Variants in ESR1 observed in about 807,000 individuals in gnomAD.
The protein encoded by ESR1 is estrogen receptor.
A neutral mutation model predicts 52.7 loss-of-function variants in ESR1; 12 were observed. That is an observed-to-expected ratio of 0.23 (90% CI 0.15 to 0.37). The LOEUF (loss-of-function observed/expected upper bound fraction) is 0.37, where lower values mean the gene tolerates loss of function less well. ESR1 is among the 10% of genes least tolerant of loss of function. The pLI, the probability that ESR1 is intolerant of heterozygous loss-of-function variation, is 1.00. For synonymous variants in ESR1, 305 were observed against 316.8 expected, an observed-to-expected ratio of 0.96 and a Z score of 0.39; for missense variants, 584 against 779.7, an observed-to-expected ratio of 0.75 and a Z score of 2.99.
intron 4 of ESR1, among the ~76,000 whole-genome samples, chr6:151,964,268 A>AT (rs919432098): frequency 4.6e-5 from 7 of 151,682 alleles, no homozygotes; most frequent in South Asian, 2.1e-4. Flanking sequence ...GATAGCATAG[A>AT]TTTTTTTTAA....
chr6:151,783,280 G>A (rs1485305249), intron 2 of ESR1, among the ~76,000 whole-genome samples: 1 of 152,194 alleles, frequency 6.6e-6, no homozygotes, highest in African/African-American at 2.4e-5. Context: ...CACCAGCCCT[G>A]TGTCTATCTC....
At chr6:151,711,329 C>T (rs1780593676) in intron 2 of ESR1, among the ~76,000 whole-genome samples, 1 of 151,792 alleles carries the variant, frequency 6.6e-6, no homozygotes, top group African/African-American at 2.4e-5. Flanking sequence ...TCATGCCATT[C>T]TCCTGCTTCA....
At chr6:152,103,406 C>T (rs148684905), downstream of ESR1, 33 of 159,522 alleles carry the variant, frequency 2.1e-4, no homozygotes, top group East Asian at 4.9e-3. Flanking sequence ...CACCTCACTC[C>T]CTCTGCCCAA....
intron 2 of ESR1, among the ~76,000 whole-genome samples, chr6:151,771,924 A>G (rs912467304): frequency 1.3e-5 from 2 of 152,188 alleles, no homozygotes; most frequent in African/African-American, 4.8e-5. Context: ...TTGTTGATAC[A>G]CTGCTTGACT....
rs539521701 is a variant in ESR1, at chr6:151,877,489, G to A, written c.644-3166G>A. 5.3e-5 allele frequency among the ~76,000 whole-genome samples: 8 copies of A among 152,258 alleles called. No individual in the cohort carries two copies. In the East Asian group the frequency reaches 9.6e-4, roughly 18 times the overall value. On this transcript the variant is annotated intron_variant, in intron 2 of 7. Coordinates refer to ENST00000206249, the MANE Select transcript of ESR1 (RefSeq NM_000125.4). ...CTAGCTTTGTCACAAAAGGTTTGCC[G>A]TATGAACATGATTCTGTTGTACATC... is the stretch of plus-strand genomic sequence containing the variant.
chr6:151,778,737 C>A (rs182849316), intron 2 of ESR1, among the ~76,000 whole-genome samples: 3 of 152,168 alleles, frequency 2.0e-5, no homozygotes, highest in East Asian at 1.9e-4. Context: ...AGGAAAGAAA[C>A]CACTAATGCT....
In ESR1 at chr6:152,097,163, G is replaced by GAC. The variant is rs141441506; in HGVS notation, c.1554-1555_1554-1554dup. ...TCTCTCTCTTTCTCTCTCTCTCTCT[G>GAC]ACACACACACACACATACACACACA... On this transcript the variant is annotated intron_variant, in intron 7 of 7. Transcript: ENST00000206249. Among the ~76,000 whole-genome samples the GAC allele has an allele frequency of 1.4e-3, 217 of 149,994 alleles. 1 individual carries two copies. Among genetic ancestry groups the GAC allele is most frequent in the African/African-American group, 5.0e-3 (203 of 40,728 alleles).
At chr6:151,685,598 C>G (rs896717835), upstream of ESR1, among the ~76,000 whole-genome samples, 1 of 152,052 alleles carries the variant, frequency 6.6e-6, no homozygotes, top group African/African-American at 2.4e-5. Context: ...ATCTGGTGAT[C>G]GAGATGTCTG....
At chr6:151,703,076 G>A (rs1779918231) in intron 2 of ESR1, among the ~76,000 whole-genome samples, 1 of 152,238 alleles carries the variant, frequency 6.6e-6, no homozygotes, top group Non-Finnish European at 1.5e-5. Flanking sequence ...TGAGATGCCA[G>A]TGGACGAAAC....
chr6:151,807,817 A>G lies in ESR1; in HGVS notation c.-96A>G. The G allele has an allele frequency of 8.9e-7, 1 of 1,128,674 alleles. No homozygotes were observed. Among genetic ancestry groups the G allele is most frequent in the Non-Finnish European group, 1.3e-6 (1 of 767,884 alleles). The allele number at this position is 1,128,674 out of a possible 1,614,324, so 69.9% of individuals were successfully genotyped here. A position where few individuals can be genotyped will look rare whatever the true frequency, so the allele number is the denominator to read the frequency against. ...GCGGGACATGCGCTGCGTCGCCTCTAACCTCGGGCTGTGCTCTTTTTCCAG... is the reference window on the plus strand; with the variant it reads ...GCGGGACATGCGCTGCGTCGCCTCTGACCTCGGGCTGTGCTCTTTTTCCAG... On this transcript the variant is annotated 5_prime_UTR_variant, in exon 1 of 8. Transcript: ENST00000206249.
At chr6:151,787,148 G>A (rs564561076) in intron 2 of ESR1, among the ~76,000 whole-genome samples, 13 of 152,294 alleles carry the variant, frequency 8.5e-5, no homozygotes, top group African/African-American at 2.9e-4. Context: ...AGATCAGATA[G>A]TTGTAGGTGT....
At position 151,740,887 on chromosome 6, in the gene ESR1, G is replaced by A. The variant is rs368975575; in HGVS notation, c.-71+38882G>A. 1.7e-3 allele frequency among the ~76,000 whole-genome samples: 260 copies of A among 152,192 alleles called. 2 individuals are homozygous for A. The highest frequency in any genetic ancestry group is 6.0e-3 in the African/African-American group (249 of 41,502). The stretch of plus-strand genomic sequence containing the variant: ...CTGATGTTCTGTTCTTCAGATTGGC[G>A]AACATGGCTCAAAGACCACTAGTGT... On this transcript the variant is annotated intron_variant, in intron 2 of 2. Coordinates refer to the ESR1 transcript ENST00000404742.
intron 2 of ESR1, among the ~76,000 whole-genome samples, chr6:151,775,766 A>G (rs1035215637): frequency 6.6e-6 from 1 of 151,640 alleles, no homozygotes; most frequent in East Asian, 1.9e-4. Flanking sequence ...AAAAAAATCC[A>G]AAAAACCCAA....
At chr6:151,860,555 G>A (rs1422973791) in intron 2 of ESR1, among the ~76,000 whole-genome samples, 2 of 152,082 alleles carry the variant, frequency 1.3e-5, no homozygotes, top group African/African-American at 4.8e-5. Flanking sequence ...ATACACACAT[G>A]TACATATGTA....
intron 5 of ESR1, among the ~76,000 whole-genome samples, chr6:152,036,718 T>C (rs919379236): frequency 6.6e-5 from 10 of 152,132 alleles, no homozygotes; most frequent in East Asian, 1.9e-4. Flanking sequence ...AACCTTGAAA[T>C]AGAGGTTGGT....
intron 1 of ESR1, among the ~76,000 whole-genome samples, chr6:151,677,588 G>A (rs980280): frequency 0.27 from 41,635 of 152,072 alleles, 6,347 homozygotes; most frequent in East Asian, 0.41. Context: ...GAGTGATTAC[G>A]CAGCATTTGT....
chr6:152,120,758 C>A (rs1430816213), intron 6 of ESR1, among the ~76,000 whole-genome samples: 1 of 152,072 alleles, frequency 6.6e-6, no homozygotes, highest in African/African-American at 2.4e-5. Context: ...TGAAGCAAGC[C>A]CGGGACTTGG....
At chr6:151,740,285 A>ATTT (rs386408967) in intron 2 of ESR1, among the ~76,000 whole-genome samples, 2,180 of 107,852 alleles carry the variant, frequency 0.02, 52 homozygotes, top group Admixed American at 0.041. Flanking sequence ...TGCCTGGCTA[A>ATTT]TTTTTTTTTT....
At chr6:151,917,598 C>T (rs938627703) in intron 3 of ESR1, among the ~76,000 whole-genome samples, 3 of 152,042 alleles carry the variant, frequency 2.0e-5, no homozygotes, top group African/African-American at 4.8e-5. Context: ...TTGATCTAGG[C>T]CTTGACTCTT....
Sources: gnomAD v4.1 joint callset for allele counts (sites outside exome capture counted in the v4.1 genomes callset) on GRCh38, gnomAD v4.1.1 for gene constraint, MANE v1.5 for transcripts, NCBI Gene and HGNC (gene_info 2026-07-23, HGNC 2026-07-21) for gene names.